ADAMTS17: variants seen among roughly 807,000 people sequenced by gnomAD.
The protein encoded by ADAMTS17 is ADAM metallopeptidase with thrombospondin type 1 motif 17, also known as A disintegrin and metalloproteinase with thrombospondin motifs 17.
ADAMTS17 carries 113 observed loss-of-function variants against 141.5 expected under a neutral mutation model. That is an observed-to-expected ratio of 0.80 (90% CI 0.69 to 0.93). ADAMTS17 has a LOEUF of 0.93. Among genes scored for constraint, ADAMTS17 ranks in the 40% least tolerant of loss-of-function variants. The probability of loss-of-function intolerance (pLI) is 0.00; values close to 1 mark genes in which losing one functional copy is unlikely to be tolerated. For missense variants in ADAMTS17, 1,659 were observed against 1,517.9 expected, an observed-to-expected ratio of 1.09 and a Z score of -1.54; for synonymous variants, 768 against 630.6, an observed-to-expected ratio of 1.22 and a Z score of -3.27.
In ADAMTS17 at chr15:99,973,002, A is replaced by G. The variant is rs1942193255; in HGVS notation, c.*1400T>C. On this transcript the variant is annotated 3_prime_UTR_variant, in exon 22 of 22. Transcript: ENST00000268070. ...TATTTACGGTAAAGTCCTAGAACAT[A>G]AGCACCCATGAAATGCCCACCAAGT... The G allele has an allele frequency of 6.6e-6, 1 of 152,140 alleles. No individual in the cohort carries two copies. The highest frequency in any genetic ancestry group is 6.5e-5 in the Admixed American group (1 of 15,278). The allele number at this position is 152,140 out of a possible 1,614,324, so 9.4% of individuals were successfully genotyped here.
chr15:100,327,100 A>G (rs567348565), intron 3 of ADAMTS17, among the ~76,000 whole-genome samples: 2 of 152,332 alleles, frequency 1.3e-5, no homozygotes, highest in Admixed American at 1.3e-4. Context: ...GACCTTGAGC[A>G]GTAGGGTATA....
intron 3 of ADAMTS17, among the ~76,000 whole-genome samples, chr15:100,308,604 G>C (rs1430516272): frequency 6.6e-6 from 1 of 152,120 alleles, no homozygotes; most frequent in Non-Finnish European, 1.5e-5. Context: ...GTTGAAACTG[G>C]AATGTCTTCA....
At chr15:100,252,625 C>A in intron 7 of ADAMTS17, among the ~76,000 whole-genome samples, 1 of 152,238 alleles carries the variant, frequency 6.6e-6, no homozygotes, top group African/African-American at 2.4e-5. Context: ...AGAGGTCAGC[C>A]GGTACAAGTA....
intron 10 of ADAMTS17, among the ~76,000 whole-genome samples, chr15:100,149,000 G>A (rs759070885): frequency 6.6e-4 from 100 of 152,226 alleles, no homozygotes; most frequent in Non-Finnish European, 1.2e-3. Flanking sequence ...GGGGAGCATA[G>A]GGCAGGATGA....
intron 8 of ADAMTS17, 56 bp downstream of exon 8, chr15:100,199,262 A>C: frequency 1.4e-6 from 2 of 1,480,846 alleles, no homozygotes; most frequent in Non-Finnish European, 1.9e-6. Flanking sequence ...CAAGTGAAAA[A>C]TCTGCACTCA....
rs2043549425 is a variant in ADAMTS17, at chr15:100,262,295, G to A, written c.873+57C>T. The A allele has an allele frequency of 3.3e-6, 5 of 1,519,352 alleles. No homozygotes were observed. In the African/African-American group the frequency reaches 6.9e-5, roughly 21 times the overall value. The allele number at this position is 1,519,352 out of a possible 1,614,324, so 94.1% of individuals were successfully genotyped here. On this transcript the variant is annotated intron_variant, in intron 5 of 21. Coordinates refer to ENST00000268070, the MANE Select transcript of ADAMTS17 (RefSeq NM_139057.4). ...CCGCTTAGCATTCAACAGCAGTTGA[G>A]AAGCTCCAGCCCAGCCACATTTTCT...
intron 5 of ADAMTS17, 45 bp from the exon 6 acceptor site, chr15:100,261,681 G>T (rs775182209): frequency 6.3e-7 from 1 of 1,589,488 alleles, no homozygotes; most frequent in South Asian, 1.1e-5. Flanking sequence ...CGCCTGGGAG[G>T]CCAGAGTTTA....
chr15:99,973,506 C>G lies in ADAMTS17; in HGVS notation c.*896G>C, dbSNP rs1257628991. On this transcript the variant is annotated 3_prime_UTR_variant, in exon 22 of 22. Transcript: ENST00000268070. ...GTACAAAGCTTTAGGAAGTGCAGGCCAGAGTGGATGTTCCCGGAAGGCGGG... is the reference window on the plus strand; with the variant it reads ...GTACAAAGCTTTAGGAAGTGCAGGCGAGAGTGGATGTTCCCGGAAGGCGGG... The G allele has an allele frequency of 1.3e-5, 2 of 152,238 alleles. No homozygotes were observed. Among genetic ancestry groups the G allele is most frequent in the East Asian group, 3.9e-4 (2 of 5,184 alleles). 9.4% of individuals were successfully genotyped at this position (152,238 alleles called of 1,614,324 possible).
intron 8 of ADAMTS17, among the ~76,000 whole-genome samples, chr15:100,186,293 T>C (rs79898907): frequency 0.013 from 1,954 of 152,322 alleles, 46 homozygotes; most frequent in African/African-American, 0.044. Flanking sequence ...GACTTCAACA[T>C]TGACAAAGGG....
intron 18 of ADAMTS17, among the ~76,000 whole-genome samples, chr15:100,020,597 G>A (rs1017398739): frequency 1.2e-4 from 18 of 152,186 alleles, no homozygotes; most frequent in African/African-American, 3.9e-4. Flanking sequence ...GTGACCCTCC[G>A]TGGGTCTATT....
intron 8 of ADAMTS17, among the ~76,000 whole-genome samples, chr15:100,182,123 G>A (rs757394305): frequency 6.6e-6 from 1 of 152,142 alleles, no homozygotes; most frequent in Non-Finnish European, 1.5e-5. Context: ...CCCGAGTCTG[G>A]GTAATTTATA....
intron 4 of ADAMTS17, among the ~76,000 whole-genome samples, chr15:100,274,435 G>C (rs951906353): frequency 2.0e-5 from 3 of 151,986 alleles, no homozygotes; most frequent in Admixed American, 6.6e-5. Context: ...TTTGCCTCTT[G>C]GAAGCTTTTT....
intron 7 of ADAMTS17, among the ~76,000 whole-genome samples, chr15:100,244,693 A>G (rs2042933940): frequency 6.6e-6 from 1 of 152,008 alleles, no homozygotes; most frequent in South Asian, 2.1e-4. Flanking sequence ...CTGTACAGGG[A>G]GCCCTTCCCT....
chr15:100,151,999 T>C lies in ADAMTS17; in HGVS notation c.1473+613A>G, dbSNP rs554317596. Among the ~76,000 whole-genome samples, 11 of 152,326 alleles carry C rather than the reference T, an allele frequency of 7.2e-5. No homozygotes were observed. In the South Asian group the frequency reaches 2.1e-3, roughly 29 times the overall value. The stretch of plus-strand genomic sequence containing the variant: ...GTTTGCTTACTTTGACTTGGTGTTG[T>C]CATCTGTAAACCAGGGACAGGATCT... On this transcript the variant is annotated intron_variant, in intron 10 of 21. Transcript: ENST00000268070.
At chr15:100,068,748 C>A (rs1289659546) in intron 15 of ADAMTS17, among the ~76,000 whole-genome samples, 2 of 152,222 alleles carry the variant, frequency 1.3e-5, no homozygotes, top group East Asian at 3.8e-4. Context: ...AAAACCCCAT[C>A]TGTATGTCAC....
chr15:100,029,842 C>T (rs2029952033), intron 18 of ADAMTS17, among the ~76,000 whole-genome samples: 1 of 152,194 alleles, frequency 6.6e-6, no homozygotes, highest in South Asian at 2.1e-4. Flanking sequence ...GCTGGTGGTT[C>T]TCAATGCAGT....
chr15:100,000,077 A>G (rs1433668863), intron 18 of ADAMTS17, among the ~76,000 whole-genome samples: 1 of 152,188 alleles, frequency 6.6e-6, no homozygotes, highest in Non-Finnish European at 1.5e-5. Flanking sequence ...AACTGCTTAC[A>G]ACAGTGTCTG....
intron 7 of ADAMTS17, among the ~76,000 whole-genome samples, chr15:100,236,197 G>A (rs2042647710): frequency 6.7e-6 from 1 of 149,958 alleles, no homozygotes; most frequent in South Asian, 2.1e-4. Context: ...AAAAGTAAAT[G>A]TCTACGATAT....
intron 18 of ADAMTS17, among the ~76,000 whole-genome samples, chr15:100,024,254 G>A (rs1225130762): frequency 6.6e-6 from 1 of 152,098 alleles, no homozygotes; most frequent in Non-Finnish European, 1.5e-5. Flanking sequence ...CACTGTAACT[G>A]GCTAATTTAA....
Sources: allele counts gnomAD v4.1 joint callset (sites outside exome capture counted in the v4.1 genomes callset), GRCh38; gene constraint gnomAD v4.1.1; transcripts MANE v1.5; gene names NCBI Gene and HGNC (gene_info 2026-07-23, HGNC 2026-07-21).